Variants in KIFC3 observed in about 807,000 individuals in gnomAD.
KIFC3 encodes the protein kinesin-like protein KIFC3.
Under a neutral mutation model 101.8 loss-of-function variants are expected in KIFC3, and 60 were observed. The observed-to-expected ratio is 0.59, with a 90% CI of 0.48 to 0.73. The LOEUF (loss-of-function observed/expected upper bound fraction) is 0.73. Ranked by LOEUF, KIFC3 falls within the 30% of genes least tolerant of loss-of-function variation. The pLI is 0.00. For missense variants in KIFC3, 966 were observed against 1,137.1 expected, an observed-to-expected ratio of 0.85 and a Z score of 2.16; for synonymous variants, 476 against 482.7, an observed-to-expected ratio of 0.99 and a Z score of 0.18.
At chr16:57,832,171 C>A (rs1009352334) in intron 1 of KIFC3, among the ~76,000 whole-genome samples, 1 of 151,768 alleles carries the variant, frequency 6.6e-6, no homozygotes, top group Admixed American at 6.6e-5. Flanking sequence ...CAGGAATGCA[C>A]CACCATGCCC....
intron 1 of KIFC3, among the ~76,000 whole-genome samples, chr16:57,837,016 C>T (rs2055701025): frequency 6.6e-6 from 1 of 152,142 alleles, no homozygotes; most frequent in African/African-American, 2.4e-5. Flanking sequence ...TTTAAAGATG[C>T]ACCGGAGGCT....
rs150059180 is a variant in KIFC3 at position 57,771,268 on chromosome 16, C to T, written c.695G>A (p.Arg232Gln). 2.0e-5 allele frequency: 33 copies of T among 1,613,398 alleles called. No individual in the cohort carries two copies. Among genetic ancestry groups the T allele is most frequent in the African/African-American group, 2.0e-4 (15 of 75,078 alleles). Residue 232 changes from arginine (R) to glutamine (Q), a missense_variant, in exon 6 of 20, where the codon CGG (arginine) becomes CAG (glutamine). Around this residue, in one of 2 missense-constraint regions of KIFC3, gnomAD observed 689 missense variants for 884.6 expected, o/e 0.78. Transcript: ENST00000445690. ...GCTGTCACGCAGGCGCCGACTAAGC[C>T]GCTCCTCCTCCTGTGCCTTCTCAGC... The part of the protein sequence containing the change: ...CLAEKAQEEE[R>Q]LSRRLRDSHE...
intron 3 of KIFC3, among the ~76,000 whole-genome samples, chr16:57,791,995 G>C (rs1555620497): frequency 6.6e-6 from 1 of 152,156 alleles, no homozygotes; most frequent in African/African-American, 2.4e-5. Context: ...TTCAGATCAG[G>C]GGCTGGGACA....
At chr16:57,861,926 G>A (rs992425559) in intron 1 of KIFC3, among the ~76,000 whole-genome samples, 7 of 152,116 alleles carry the variant, frequency 4.6e-5, no homozygotes, top group Non-Finnish European at 8.8e-5. Context: ...TCCAGCCTGG[G>A]CAACAAAGTG....
upstream of KIFC3, among the ~76,000 whole-genome samples, chr16:57,805,886 G>A (rs1453290194): frequency 2.0e-5 from 3 of 152,036 alleles, no homozygotes; most frequent in Non-Finnish European, 4.4e-5. Context: ...ATGTTGGCCA[G>A]GCTGCTTTCA....
chr16:57,762,199 C>A lies in KIFC3; in HGVS notation c.1689G>T (p.Ala563=). 6.2e-7 allele frequency: 1 copy of A among 1,611,234 alleles called. No individual in the cohort carries two copies. Among genetic ancestry groups the A allele is most frequent in the Non-Finnish European group, 8.5e-7 (1 of 1,179,274 alleles). The change falls in exon 13 of 20, where the codon GCG becomes GCT. Residue 563 remains alanine, a synonymous_variant. Coordinates refer to ENST00000445690, the MANE Select transcript of KIFC3 (RefSeq NM_001130100.2). ...QLLFSEVQEK[A]SDWEYTITVS... Reference sequence around the variant, plus strand: ...CGGTGATGGTGTACTCCCAGTCAGACGCCTTCTCCTGCACCTCGGAGAAGA... The same window carrying A: ...CGGTGATGGTGTACTCCCAGTCAGAAGCCTTCTCCTGCACCTCGGAGAAGA...
intron 1 of KIFC3, among the ~76,000 whole-genome samples, chr16:57,799,105 G>C (rs546366090): frequency 3.3e-5 from 5 of 152,200 alleles, no homozygotes; most frequent in African/African-American, 9.7e-5. Context: ...GGGAATGGAG[G>C]GGGGCAGAGA....
rs1555607863 is a variant in KIFC3, at chr16:57,771,221, G to A, written c.742C>T (p.Arg248Trp). The stretch of plus-strand genomic sequence containing the variant: ...ACCTTGACAGGTGGGGACTGGGCCC[G>A]CAGGCTGGCAATGGTCTCGTGGCTG... ...RDSHETIASL[R>W]AQSPPVKYVI... The change falls in exon 6 of 20, where the codon CGG becomes TGG. Residue 248 changes from arginine to tryptophan, a missense_variant. By Grantham distance (101) the Arg-to-Trp change is moderately radical. Around this residue, in one of 2 missense-constraint regions of KIFC3, gnomAD observed 689 missense variants for 884.6 expected, o/e 0.78. Transcript: ENST00000445690. The A allele has an allele frequency of 1.7e-5, 27 of 1,612,846 alleles. No individual in the cohort carries two copies. Among genetic ancestry groups the A allele is most frequent in the Non-Finnish European group, 2.1e-5 (25 of 1,180,012 alleles).
At chr16:57,853,007 A>G (rs535524016) in intron 1 of KIFC3, among the ~76,000 whole-genome samples, 1 of 152,348 alleles carries the variant, frequency 6.6e-6, no homozygotes, top group African/African-American at 2.4e-5. Flanking sequence ...CAGAAGCACT[A>G]TAGAAAGAAA....
intron 1 of KIFC3, among the ~76,000 whole-genome samples, chr16:57,820,184 C>A (rs1459892668): frequency 6.6e-6 from 1 of 152,214 alleles, no homozygotes; most frequent in African/African-American, 2.4e-5. Flanking sequence ...AATGTGGCAC[C>A]AGGCCTTTGC....
intron 16 of KIFC3, 116 bp from the exon 17 acceptor site, chr16:57,760,532 G>T: frequency 7.8e-7 from 1 of 1,277,646 alleles, no homozygotes; most frequent in Non-Finnish European, 1.1e-6. Flanking sequence ...CTGAGGGATG[G>T]GGTGGGAGGG....
intron 3 of KIFC3, among the ~76,000 whole-genome samples, chr16:57,783,942 C>A (rs1359716103): frequency 2.0e-5 from 3 of 152,190 alleles, no homozygotes; most frequent in Non-Finnish European, 2.9e-5. Flanking sequence ...TTGAGCCACA[C>A]CTCTCCTACC....
intron 1 of KIFC3, chr16:57,815,355 C>A (rs1284145626): frequency 1.1e-5 from 11 of 1,002,500 alleles, no homozygotes; most frequent in African/African-American, 1.7e-5. Context: ...TCTGTTAGCT[C>A]AAGGCCACAG....
intron 3 of KIFC3, among the ~76,000 whole-genome samples, chr16:57,787,932 C>T (rs556268126): frequency 6.6e-6 from 1 of 152,366 alleles, no homozygotes; most frequent in African/African-American, 2.4e-5. Flanking sequence ...TTTTCCGTCA[C>T]ACGCTCTCTT....
intron 1 of KIFC3, among the ~76,000 whole-genome samples, chr16:57,857,822 C>CTTT (rs57102595): frequency 4.4e-4 from 41 of 92,760 alleles, no homozygotes; most frequent in African/African-American, 1.4e-3. Flanking sequence ...TTCTTTCTTT[C>CTTT]TTTTTTTTTT....
chr16:57,838,541 G>C (rs1446983712), intron 1 of KIFC3, among the ~76,000 whole-genome samples: 1 of 152,190 alleles, frequency 6.6e-6, no homozygotes, highest in African/African-American at 2.4e-5. Flanking sequence ...GGAAAGCACA[G>C]CCCCGAGTGG....
At position 57,780,667 on chromosome 16, in the gene KIFC3, A is replaced by ATTTTTTTTTTTTTTTTTT. The variant is rs1191334568; in HGVS notation, c.316-8397_316-8380dup. ...TCCAGCCTGTGGTCTCTGAAGACAA[A>ATTTTTTTTTTTTTTTTTT]TTTTTTTTTTTTTTTTTTTTTTTTT... On this transcript the variant is annotated intron_variant, in intron 3 of 19. Coordinates refer to ENST00000445690, the MANE Select transcript of KIFC3 (RefSeq NM_001130100.2). Among the ~76,000 whole-genome samples the ATTTTTTTTTTTTTTTTTT allele has an allele frequency of 7.1e-5, 5 of 69,956 alleles. 2 individuals are homozygous for ATTTTTTTTTTTTTTTTTT. Among genetic ancestry groups the ATTTTTTTTTTTTTTTTTT allele is most frequent in the South Asian group, 1.4e-3 (2 of 1,434 alleles). The allele number at this position is 69,956 out of a possible 152,430, so 45.9% of individuals were successfully genotyped here. A position where few individuals can be genotyped will look rare whatever the true frequency, so the allele number is the denominator to read the frequency against.
At chr16:57,851,109 C>CA (rs2056048983) in intron 1 of KIFC3, among the ~76,000 whole-genome samples, 1 of 152,036 alleles carries the variant, frequency 6.6e-6, no homozygotes, top group Non-Finnish European at 1.5e-5. Context: ...CTCCTAGGCT[C>CA]CAGGCATCCT....
upstream of KIFC3, among the ~76,000 whole-genome samples, chr16:57,805,039 C>T (rs2149248273): frequency 6.6e-6 from 1 of 152,132 alleles, no homozygotes; most frequent in East Asian, 1.9e-4. Flanking sequence ...CCATGTTGGA[C>T]AGGCTGGTTT....
Sources: allele counts gnomAD v4.1 joint callset (sites outside exome capture counted in the v4.1 genomes callset), GRCh38; gene constraint gnomAD v4.1.1; regional missense constraint gnomAD v4.1.1; transcripts MANE v1.5; gene names NCBI Gene and HGNC (gene_info 2026-07-23, HGNC 2026-07-21).